Variants in NNT observed in about 807,000 individuals in gnomAD.
NNT encodes the protein nicotinamide nucleotide transhydrogenase.
NNT carries 50 observed loss-of-function variants against 104.8 expected under a neutral mutation model. The ratio of observed to expected loss-of-function variants is 0.48; its 90% confidence interval spans 0.38 to 0.60. The LOEUF (loss-of-function observed/expected upper bound fraction) is 0.60. Ranked by LOEUF, NNT falls within the 20% of genes least tolerant of loss-of-function variation. The pLI, the probability that NNT is intolerant of heterozygous loss-of-function variation, is 0.00. For missense variants in NNT, 1,131 were observed against 1,330.7 expected, an observed-to-expected ratio of 0.85 and a Z score of 2.33; for synonymous variants, 461 against 490.4, an observed-to-expected ratio of 0.94 and a Z score of 0.79.
At chr5:43,645,982 A>G (rs1413090566) in intron 10 of NNT, among the ~76,000 whole-genome samples, 2 of 151,682 alleles carry the variant, frequency 1.3e-5, no homozygotes, top group Non-Finnish European at 2.9e-5. Flanking sequence ...CAAAGTGCTG[A>G]GATTACAGGC....
Position 43,704,678 on chromosome 5 carries a change from C to A in NNT, c.*274C>A. The A allele has an allele frequency of 3.0e-6, 1 of 328,906 alleles. No homozygotes were observed. The highest frequency in any genetic ancestry group is 5.6e-6 in the Non-Finnish European group (1 of 178,820). The allele number at this position is 328,906 out of a possible 1,614,324, so 20.4% of individuals were successfully genotyped here. ...TTTATAAAAGGAGAAAGAACAGCCT[C>A]ATTTTAGATGTAGTCCTGTTGGATT... is the stretch of plus-strand genomic sequence containing the variant. On this transcript the variant is annotated 3_prime_UTR_variant, in exon 22 of 22. Coordinates refer to ENST00000344920, the MANE Select transcript of NNT (RefSeq NM_182977.3).
intron 5 of NNT, among the ~76,000 whole-genome samples, chr5:43,620,700 A>G (rs1046397722): frequency 1.3e-5 from 2 of 152,240 alleles, no homozygotes; most frequent in African/African-American, 4.8e-5. Context: ...CTTAGCAAGA[A>G]AGTGTGAGCA....
chr5:43,666,964 C>G, intron 17 of NNT: 1 of 1,592,682 alleles, frequency 6.3e-7, no homozygotes, highest in Non-Finnish European at 8.5e-7. Context: ...GAGCTTGCGG[C>G]TGACACCCTT....
At chr5:43,663,756 ATAT>A (rs1293866268) in intron 17 of NNT, among the ~76,000 whole-genome samples, 1 of 152,196 alleles carries the variant, frequency 6.6e-6, no homozygotes, top group African/African-American at 2.4e-5. Context: ...GAGGTAGGAA[ATAT>A]TATTCTCATT....
At chr5:43,665,848 C>T (rs1226240252) in intron 17 of NNT, among the ~76,000 whole-genome samples, 4 of 149,058 alleles carry the variant, frequency 2.7e-5, no homozygotes, top group African/African-American at 9.9e-5. Flanking sequence ...GCTGGCCGGG[C>T]AGGGGCTGCC....
At chr5:43,609,005 A>G (rs1337257132) in intron 1 of NNT, 138 bp from the exon 2 acceptor site, 1 of 441,004 alleles carries the variant, frequency 2.3e-6, no homozygotes, top group Non-Finnish European at 3.9e-6. Flanking sequence ...AACTTGGCAA[A>G]TAAATTCTTT....
chr5:43,623,892 A>G (rs1750225756), intron 5 of NNT, 140 bp from the exon 6 acceptor site: 1 of 780,960 alleles, frequency 1.3e-6, no homozygotes, highest in Non-Finnish European at 2.3e-6. Context: ...TACAGTTACT[A>G]AGGGCTGATC....
chr5:43,692,513 AG>A (rs1469071738), intron 19 of NNT, among the ~76,000 whole-genome samples: 5 of 151,488 alleles, frequency 3.3e-5, no homozygotes, highest in African/African-American at 1.2e-4. Context: ...TAGTAGAGAC[AG>A]GGTTTCACCA....
chr5:43,672,036 A>G (rs555172392), intron 17 of NNT, among the ~76,000 whole-genome samples: 6 of 152,182 alleles, frequency 3.9e-5, no homozygotes, highest in South Asian at 2.1e-4. Context: ...CATTCATTCG[A>G]TCTTCAATCA....
chr5:43,690,195 A>C (rs1742194959), intron 19 of NNT, among the ~76,000 whole-genome samples: 1 of 152,124 alleles, frequency 6.6e-6, no homozygotes, highest in Non-Finnish European at 1.5e-5. Flanking sequence ...TCATCACAAA[A>C]CAATCCAGAA....
intron 7 of NNT, among the ~76,000 whole-genome samples, chr5:43,636,839 A>T (rs1580009916): frequency 1.3e-5 from 2 of 152,176 alleles, no homozygotes; most frequent in African/African-American, 4.8e-5. Context: ...TTATTAAGTT[A>T]ATCCTTTCAA....
intron 7 of NNT, among the ~76,000 whole-genome samples, chr5:43,643,089 TAA>T (rs1751323513): frequency 6.6e-6 from 1 of 151,956 alleles, no homozygotes; most frequent in South Asian, 2.1e-4. Flanking sequence ...CACGTCCAGC[TAA>T]GTTTTTTTAT....
intron 19 of NNT, among the ~76,000 whole-genome samples, chr5:43,691,014 G>GA (rs1742244858): frequency 6.6e-6 from 1 of 151,514 alleles, no homozygotes; most frequent in Non-Finnish European, 1.5e-5. Context: ...TGGTTTATTT[G>GA]AAAATCACAG....
chr5:43,638,059 T>G (rs1255436051), intron 7 of NNT, among the ~76,000 whole-genome samples: 1 of 152,196 alleles, frequency 6.6e-6, no homozygotes, highest in Non-Finnish European at 1.5e-5. Flanking sequence ...CCTGTTCTCG[T>G]GATAGCGAGC....
intron 4 of NNT, among the ~76,000 whole-genome samples, chr5:43,618,615 T>C (rs182820070): frequency 4.1e-4 from 63 of 152,360 alleles, no homozygotes; most frequent in African/African-American, 1.4e-3. Flanking sequence ...AAACCATTGT[T>C]AGTATTTTCC....
intron 7 of NNT, among the ~76,000 whole-genome samples, chr5:43,635,327 T>G (rs1220028114): frequency 6.6e-6 from 1 of 152,158 alleles, no homozygotes; most frequent in African/African-American, 2.4e-5. Flanking sequence ...TATGAGGCTA[T>G]GAAGGTTGCT....
At chr5:43,688,526 A>G (rs1333429961) in intron 19 of NNT, among the ~76,000 whole-genome samples, 2 of 152,144 alleles carry the variant, frequency 1.3e-5, no homozygotes, top group African/African-American at 4.8e-5. Context: ...AGGAGTGTAC[A>G]CTGTACCCAA....
chr5:43,682,320 C>T (rs1325639214), intron 19 of NNT, among the ~76,000 whole-genome samples: 1 of 150,592 alleles, frequency 6.6e-6, no homozygotes, highest in Non-Finnish European at 1.5e-5. Context: ...AAGCGATTCT[C>T]CCACCTCAGC....
At chr5:43,645,284 T>C (rs199851855) in intron 9 of NNT, 73 bp from the exon 10 acceptor site, 5 of 907,846 alleles carry the variant, frequency 5.5e-6, no homozygotes, top group Non-Finnish European at 7.6e-6. Context: ...TTTTAAAAAA[T>C]AGTATATTCC....
Sources: gnomAD v4.1 joint callset for allele counts (sites outside exome capture counted in the v4.1 genomes callset) on GRCh38, gnomAD v4.1.1 for gene constraint, MANE v1.5 for transcripts, NCBI Gene and HGNC (gene_info 2026-07-23, HGNC 2026-07-21) for gene names.